The following NSD2 variants were observed in gnomAD, a reference collection of about 807,000 sequenced individuals.
NSD2 encodes nuclear receptor binding SET domain protein 2, also known as histone-lysine N-methyltransferase NSD2.
A neutral mutation model predicts 139.0 loss-of-function variants in NSD2; 12 were observed. That is an observed-to-expected ratio of 0.09 (90% CI 0.06 to 0.14). The LOEUF is 0.14. Ranked by LOEUF, NSD2 falls within the 10% of genes least tolerant of loss-of-function variation. The pLI, the probability that NSD2 is intolerant of heterozygous loss-of-function variation, is 1.00. For missense variants in NSD2, 1,155 were observed against 1,745.0 expected, an observed-to-expected ratio of 0.66 and a Z score of 6.02; for synonymous variants, 669 against 648.7, an observed-to-expected ratio of 1.03 and a Z score of -0.48.
At position 1,978,815 on chromosome 4, in the gene NSD2, G is replaced by A; in HGVS notation, c.4004G>A (p.Ser1335Asn). ...EHDLGAASVR[S>N]TKTEKPPPEP... is the part of the protein sequence containing the mutation. ...GACTTAGGGGCGGCATCGGTCAGAAGCACCAAGACTGAGAAGCCCCCCCCA... is the reference window on the plus strand; with the variant it reads ...GACTTAGGGGCGGCATCGGTCAGAAACACCAAGACTGAGAAGCCCCCCCCA... The change falls in exon 22 of 22, where the codon AGC becomes AAC. Residue 1335 changes from serine to asparagine, a missense_variant. By Grantham distance (46) the Ser-to-Asn change is conservative (BLOSUM62 1). Coordinates refer to ENST00000508803, the MANE Select transcript of NSD2 (RefSeq NM_001042424.3). The A allele has an allele frequency of 1.2e-6, 2 of 1,609,552 alleles. No homozygotes were observed. Among genetic ancestry groups the A allele is most frequent in the South Asian group, 1.1e-5 (1 of 90,690 alleles).
At chr4:1,897,460 C>T (rs1343400745) in intron 1 of NSD2, among the ~76,000 whole-genome samples, 1 of 151,880 alleles carries the variant, frequency 6.6e-6, no homozygotes, top group Non-Finnish European at 1.5e-5. Flanking sequence ...CCCTGCACTC[C>T]AGCTTCGGTG....
intron 17 of NSD2, among the ~76,000 whole-genome samples, chr4:1,960,478 CAGGGACTG>C (rs1359261268): frequency 6.6e-6 from 1 of 152,192 alleles, no homozygotes; most frequent in Middle Eastern, 3.2e-3. Context: ...CAAGGACATC[CAGGGACTG>C]AGAGACATGT....
chr4:1,910,882 T>G (rs1160836552), intron 3 of NSD2, among the ~76,000 whole-genome samples: 1 of 152,218 alleles, frequency 6.6e-6, no homozygotes, highest in Non-Finnish European at 1.5e-5. Flanking sequence ...GGCATGGTCA[T>G]GCTTGTCCTT....
At chr4:1,885,256 A>T (rs1326815742) in intron 1 of NSD2, among the ~76,000 whole-genome samples, 2 of 152,210 alleles carry the variant, frequency 1.3e-5, no homozygotes, top group East Asian at 3.8e-4. Flanking sequence ...CACAGCTGCT[A>T]TAAGGCATTT....
intron 3 of NSD2, among the ~76,000 whole-genome samples, chr4:1,906,503 G>A (rs967050316): frequency 6.6e-6 from 1 of 151,882 alleles, no homozygotes; most frequent in African/African-American, 2.4e-5. Context: ...GCCTCCCAAA[G>A]TGCTGGGATT....
chr4:1,978,946 C>A lies in NSD2; in HGVS notation c.*37C>A. The A allele has an allele frequency of 6.9e-7, 1 of 1,455,994 alleles. No homozygotes were observed. Among genetic ancestry groups the A allele is most frequent in the Non-Finnish European group, 9.1e-7 (1 of 1,101,938 alleles). The allele number at this position is 1,455,994 out of a possible 1,614,324, so 90.2% of individuals were successfully genotyped here. A position where few individuals can be genotyped will look rare whatever the true frequency, so the allele number is the denominator to read the frequency against. On this transcript the variant is annotated 3_prime_UTR_variant, in exon 22 of 22. Coordinates refer to ENST00000508803, the MANE Select transcript of NSD2 (RefSeq NM_001042424.3). ...CGCTTGGCCGGATCCAGGGGCGGTG[C>A]AGGGCGGCCGGCCCTGCCTGCGGGA...
At chr4:1,925,379 C>G (rs1414997578) in intron 5 of NSD2, among the ~76,000 whole-genome samples, 1 of 89,796 alleles carries the variant, frequency 1.1e-5, no homozygotes, top group Non-Finnish European at 2.4e-5. Flanking sequence ...AGGTCATTTT[C>G]TTTTTCTTTC....
intron 7 of NSD2, among the ~76,000 whole-genome samples, chr4:1,937,467 T>C (rs1722535995): frequency 6.6e-6 from 1 of 152,214 alleles, no homozygotes; most frequent in Admixed American, 6.5e-5. Flanking sequence ...ACACTCAGAA[T>C]ACCAAAATTC....
intron 3 of NSD2, among the ~76,000 whole-genome samples, chr4:1,906,534 C>T (rs1032730251): frequency 3.3e-5 from 5 of 151,918 alleles, no homozygotes; most frequent in East Asian, 1.9e-4. Flanking sequence ...GCCACAGTGC[C>T]GCAGCCCAAC....
At chr4:1,943,385 G>A (rs1392341870) in intron 9 of NSD2, 1 of 1,042,208 alleles carries the variant, frequency 9.6e-7, no homozygotes, top group Non-Finnish European at 1.2e-6. Context: ...GGACTCCGTG[G>A]TTTCCTGTTG....
rs1338544759 is a variant in NSD2 at position 1,941,882 on chromosome 4, C to T, written c.1881+2104C>T. On this transcript the variant is annotated intron_variant, in intron 9 of 21. Transcript: ENST00000508803. Reference sequence around the variant, plus strand: ...TTGTGATGTTTCCAATGCTGAATGCCTGTTAGCATATGAGGCAAAGTGTAG... The same window carrying T: ...TTGTGATGTTTCCAATGCTGAATGCTTGTTAGCATATGAGGCAAAGTGTAG... The T allele has an allele frequency of 6.6e-6, 7 of 1,062,894 alleles. No homozygotes were observed. In the African/African-American group the frequency reaches 9.9e-5, roughly 15 times the overall value. 65.8% of individuals were successfully genotyped at this position (1,062,894 alleles called of 1,614,324 possible).
At chr4:1,881,866 A>G (rs1300841939) in intron 1 of NSD2, among the ~76,000 whole-genome samples, 1 of 152,170 alleles carries the variant, frequency 6.6e-6, no homozygotes, top group Non-Finnish European at 1.5e-5. Context: ...AGAGAGCAGA[A>G]CGGGGATTGG....
Position 1,904,179 on chromosome 4 carries a change from G to C in NSD2, c.598-37G>C, listed in dbSNP as rs759177918. 1.7e-5 allele frequency: 28 copies of C among 1,600,008 alleles called. No homozygotes were observed. In the Admixed American group the frequency reaches 4.7e-4, roughly 27 times the overall value. Reference sequence around the variant, plus strand: ...CTTCTGGATACACAGGTAGTGATTGGATGTGTTAGTGTTTGTCTTCTGTTG... The same window carrying C: ...CTTCTGGATACACAGGTAGTGATTGCATGTGTTAGTGTTTGTCTTCTGTTG... On this transcript the variant is annotated intron_variant, in intron 2 of 21. Transcript: ENST00000508803.
chr4:1,908,791 T>C (rs765708525), intron 3 of NSD2, among the ~76,000 whole-genome samples: 1 of 151,998 alleles, frequency 6.6e-6, no homozygotes, highest in African/African-American at 2.4e-5. Flanking sequence ...GTTGTTGTTT[T>C]GAGATAGGGT....
rs957637008 is a variant in NSD2 at position 1,955,429 on chromosome 4, G to A, written c.2518+89G>A. On this transcript the variant is annotated intron_variant, in intron 13 of 21. Transcript: ENST00000508803. The surrounding 1 kb of genome is among the most constrained non-coding windows in gnomAD (Gnocchi z 4.7). ...CAGGCTCATTCCTTGTCTGCGCTGT[G>A]TTCATTGATGTTGACAGTGTTCTGT... The A allele has an allele frequency of 5.5e-6, 8 of 1,454,334 alleles. No individual in the cohort carries two copies. Among genetic ancestry groups the A allele is most frequent in the African/African-American group, 2.8e-5 (2 of 71,032 alleles). 90.1% of individuals were successfully genotyped at this position (1,454,334 alleles called of 1,614,324 possible).
rs116823729 is a variant in NSD2, at chr4:1,895,196, G to A, written c.-29-5430G>A. On this transcript the variant is annotated intron_variant, in intron 1 of 21. Coordinates refer to ENST00000508803, the MANE Select transcript of NSD2 (RefSeq NM_001042424.3). ...ATCTATTCATCTGTTGATGGGTTACGTCTACCTTTTGGCTACTGTAATAGT... is the reference window on the plus strand; with the variant it reads ...ATCTATTCATCTGTTGATGGGTTACATCTACCTTTTGGCTACTGTAATAGT... Among the ~76,000 whole-genome samples, 669 of 152,264 alleles carry A rather than the reference G, an allele frequency of 4.4e-3. 6 individuals carry two copies. Among genetic ancestry groups the A allele is most frequent in the African/African-American group, 0.015 (636 of 41,546 alleles).
At chr4:1,921,332 G>A (rs576930273) in intron 5 of NSD2, among the ~76,000 whole-genome samples, 19 of 151,918 alleles carry the variant, frequency 1.3e-4, no homozygotes, top group African/African-American at 3.9e-4. Context: ...GGTGGCGTGC[G>A]CCTGTACTTC....
At chr4:1,899,621 C>G (rs1208955647) in intron 1 of NSD2, among the ~76,000 whole-genome samples, 1 of 152,184 alleles carries the variant, frequency 6.6e-6, no homozygotes, top group Non-Finnish European at 1.5e-5. Flanking sequence ...AGATGCCTTC[C>G]CAGCTGGGGC....
chr4:1,920,624 C>T (rs1302034381), intron 5 of NSD2, among the ~76,000 whole-genome samples: 2 of 151,948 alleles, frequency 1.3e-5, no homozygotes, highest in African/African-American at 2.4e-5. Context: ...TGCTTTTTCT[C>T]CTTGGGAGGT....
Sources: allele counts gnomAD v4.1 joint callset (sites outside exome capture counted in the v4.1 genomes callset), GRCh38; gene constraint gnomAD v4.1.1; non-coding constraint Gnocchi (gnomAD v3.1); transcripts MANE v1.5; gene names NCBI Gene and HGNC (gene_info 2026-07-23, HGNC 2026-07-21).